CHPF: variants seen among roughly 807,000 people sequenced by gnomAD.
CHPF encodes the protein chondroitin polymerizing factor, non-catalytic subunit.
CHPF carries 34 observed loss-of-function variants against 55.1 expected under a neutral mutation model. The observed-to-expected ratio is 0.62, with a 90% CI of 0.47 to 0.82. The LOEUF is 0.82. Among genes scored for constraint, CHPF ranks in the 40% least tolerant of loss-of-function variants. The pLI is 0.00. For synonymous variants in CHPF, 489 were observed against 496.6 expected, an observed-to-expected ratio of 0.98 and a Z score of 0.20; for missense variants, 961 against 1,106.1, an observed-to-expected ratio of 0.87 and a Z score of 1.86.
intron 1 of CHPF, among the ~76,000 whole-genome samples, chr2:219,542,660 G>T (rs1046094341): frequency 4.6e-5 from 7 of 152,202 alleles, no homozygotes; most frequent in Admixed American, 2.0e-4. Flanking sequence ...GTTTTTGCGG[G>T]GAGGGGCAAA....
In CHPF at chr2:219,539,962, T is replaced by C. The variant is rs780803260; in HGVS notation, c.1749A>G (p.Pro583=). 6.2e-7 allele frequency: 1 copy of C among 1,613,784 alleles called. No homozygotes were observed. Among genetic ancestry groups the C allele is most frequent in the South Asian group, 1.1e-5 (1 of 91,088 alleles). ...LERRFPGARV[P]WLSVQTAAPS... is the part of the protein sequence containing the mutation. ...GTGCGGCTGTCTGCACACTGAGCCA[T>C]GGCACCCGGGCACCGGGGAAACGCC... is the stretch of plus-strand genomic sequence containing the variant. The change falls in exon 4 of 4, where the codon CCA becomes CCG. Residue 583 remains proline (P), a synonymous_variant. Transcript: ENST00000243776.
chr2:219,543,591 G>T lies in CHPF; in HGVS notation c.-53C>A, dbSNP rs966009154. 7.0e-6 allele frequency: 9 copies of T among 1,276,696 alleles called. No individual in the cohort carries two copies. Among genetic ancestry groups the T allele is most frequent in the Non-Finnish European group, 9.0e-6 (9 of 1,004,484 alleles). The allele number at this position is 1,276,696 out of a possible 1,614,324, so 79.1% of individuals were successfully genotyped here. A position where few individuals can be genotyped will look rare whatever the true frequency, so the allele number is the denominator to read the frequency against. ...CGGCGAACCCCCAGAGCAGCCAGAG[G>T]AGTCTCCGAGGGGGCGGGACCGGGG... On this transcript the variant is annotated 5_prime_UTR_variant, in exon 1 of 4. Transcript: ENST00000243776.
chr2:219,542,296 C>T lies in CHPF; in HGVS notation c.315-107G>A, dbSNP rs1695291214. 3 of 832,488 alleles carry T rather than the reference C, an allele frequency of 3.6e-6. No homozygotes were observed. In the Admixed American group the frequency reaches 9.3e-5, roughly 26 times the overall value. 51.6% of individuals were successfully genotyped at this position (832,488 alleles called of 1,614,324 possible). ...AGGTCACGTCTTCTCTGTATCTGTTCTCTCACCTATGAATAGGTTAAAAAT... is the reference window on the plus strand; with the variant it reads ...AGGTCACGTCTTCTCTGTATCTGTTTTCTCACCTATGAATAGGTTAAAAAT... On this transcript the variant is annotated intron_variant, in intron 1 of 3. Coordinates refer to ENST00000243776, the MANE Select transcript of CHPF (RefSeq NM_024536.6).
At position 219,541,094 on chromosome 2, in the gene CHPF, G is replaced by A. The variant is rs1406786710; in HGVS notation, c.920C>T (p.Pro307Leu). 1 of 1,611,514 alleles carries A rather than the reference G, an allele frequency of 6.2e-7. No homozygotes were observed. The highest frequency in any genetic ancestry group is 8.5e-7 in the Non-Finnish European group (1 of 1,178,990). ...GVHYSHLELS[P>L]GEPVQEGDPH... Reference sequence around the variant, plus strand: ...GTCCCCCTCCTGCACTGGCTCCCCAGGGCTCAGCTCCAGATGGCTATAGTG... The same window carrying A: ...GTCCCCCTCCTGCACTGGCTCCCCAAGGCTCAGCTCCAGATGGCTATAGTG... Residue 307 changes from proline (P) to leucine (L), a missense_variant, in exon 3 of 4, where the codon CCT becomes CTT. Physicochemically the swap from Pro to Leu is moderately conservative, Grantham distance 98 (BLOSUM62 -3). Transcript: ENST00000243776.
chr2:219,540,665 C>G (rs370622083), intron 3 of CHPF, 23 bp from the exon 4 acceptor site: 43 of 1,557,364 alleles, frequency 2.8e-5, no homozygotes, highest in Non-Finnish European at 3.6e-5. Context: ...AACAGGCCAT[C>G]AGCAAGGGAC....
intron 1 of CHPF, 53 bp downstream of exon 1, chr2:219,543,172 G>T: frequency 4.4e-6 from 6 of 1,377,092 alleles, no homozygotes; most frequent in Non-Finnish European, 4.7e-6. Flanking sequence ...CGACCTCCCC[G>T]CGCGCTTCCC....
At chr2:219,542,216 T>C in intron 1 of CHPF, 27 bp from the exon 2 acceptor site, 3 of 164,208 alleles carry the variant, frequency 1.8e-5, no homozygotes, top group Non-Finnish European at 3.1e-5. Context: ...CACAAGCTTA[T>C]CAAAAGGACA....
Position 219,540,076 on chromosome 2 carries a change from C to A in CHPF, c.1635G>T (p.Leu545=), listed in dbSNP as rs755717664. 2 of 1,608,556 alleles carry A rather than the reference C, an allele frequency of 1.2e-6. No homozygotes were observed. Among genetic ancestry groups the A allele is most frequent in the Non-Finnish European group, 8.5e-7 (1 of 1,178,020 alleles). Residue 545 remains leucine, a synonymous_variant, in exon 4 of 4, where the codon CTG becomes CTT. Transcript: ENST00000243776. ...EPGDAAAALT[L]LLLYEPRQAQ... ...CCTGGCGCGGCTCATACAGTAGCAG[C>A]AGGGTCAGGGCTGCCGCAGCATCAC...
In CHPF at chr2:219,539,284, C is replaced by T. The variant is rs1469139695; in HGVS notation, c.*99G>A. The stretch of plus-strand genomic sequence containing the variant: ...AGTGGGCCAGCTTGGGGTCTGGCTA[C>T]GGCCAGCCCTGCCCAGCGAGGCTGG... On this transcript the variant is annotated 3_prime_UTR_variant, in exon 4 of 4. Coordinates refer to ENST00000243776, the MANE Select transcript of CHPF (RefSeq NM_024536.6). 2.5e-5 allele frequency: 31 copies of T among 1,247,996 alleles called. No homozygotes were observed. Among genetic ancestry groups the T allele is most frequent in the South Asian group, 4.5e-5 (3 of 66,676 alleles). 77.3% of individuals were successfully genotyped at this position (1,247,996 alleles called of 1,614,324 possible).
chr2:219,542,861 C>G (rs978067109), intron 1 of CHPF: 1 of 1,054,366 alleles, frequency 9.5e-7, no homozygotes, highest in African/African-American at 1.7e-5. Flanking sequence ...AACAAGAGAT[C>G]CAGGTAAATC....
rs773878341 is a variant in CHPF at position 219,540,191 on chromosome 2, C to T, written c.1520G>A (p.Arg507His). 3.4e-5 allele frequency: 55 copies of T among 1,611,590 alleles called. No individual in the cohort carries two copies. The highest frequency in any genetic ancestry group is 4.2e-5 in the Non-Finnish European group (49 of 1,179,020). The part of the protein sequence containing the change: ...LPVPYVTEAS[R>H]LTVLLPLAAA... Reference sequence around the variant, plus strand: ...AGCTAGAGGCAGCAGCACAGTGAGACGTGAGGCCTCAGTGACATAGGGCAC... The same window carrying T: ...AGCTAGAGGCAGCAGCACAGTGAGATGTGAGGCCTCAGTGACATAGGGCAC... The change falls in exon 4 of 4, where the codon CGT becomes CAT. Residue 507 changes from arginine to histidine, a missense_variant. This residue lies in a region of CHPF where 936 missense variants were observed against 1,058.4 expected (regional missense o/e 0.88). Transcript: ENST00000243776.
chr2:219,540,724 G>A (rs1192940717), intron 3 of CHPF, 82 bp from the exon 4 acceptor site: 3 of 1,415,654 alleles, frequency 2.1e-6, no homozygotes, highest in Non-Finnish European at 1.9e-6. Context: ...GGCAGTAGGT[G>A]CCACTCAGGA....
intron 1 of CHPF, 140 bp from the exon 2 acceptor site, chr2:219,542,329 C>G (rs1013262870): frequency 4.5e-6 from 3 of 668,540 alleles, no homozygotes; most frequent in Non-Finnish European, 7.2e-6. Context: ...AATAAACCCT[C>G]TCTCCCAGGG....
At position 219,543,539 on chromosome 2, in the gene CHPF, G is replaced by A; in HGVS notation, c.-1C>T. The A allele has an allele frequency of 7.5e-7, 1 of 1,333,684 alleles. No homozygotes were observed. The highest frequency in any genetic ancestry group is 9.6e-7 in the Non-Finnish European group (1 of 1,046,880). The allele number at this position is 1,333,684 out of a possible 1,614,324, so 82.6% of individuals were successfully genotyped here. A position where few individuals can be genotyped will look rare whatever the true frequency, so the allele number is the denominator to read the frequency against. On this transcript the variant is annotated 5_prime_UTR_variant, in exon 1 of 4. Coordinates refer to ENST00000243776, the MANE Select transcript of CHPF (RefSeq NM_024536.6). ...CCGACAGCAGCAGCGATGCCCGCATGGCGCCCGGACCGCGGGTCCCCGGCC... is the reference window on the plus strand; with the variant it reads ...CCGACAGCAGCAGCGATGCCCGCATAGCGCCCGGACCGCGGGTCCCCGGCC...
chr2:219,542,408 C>T (rs1247622230), intron 1 of CHPF, among the ~76,000 whole-genome samples: 5 of 152,176 alleles, frequency 3.3e-5, no homozygotes, highest in African/African-American at 9.7e-5. Flanking sequence ...GCAATACCCA[C>T]CCAGATAGGA....
chr2:219,539,980 G>A lies in CHPF; in HGVS notation c.1731C>T (p.Phe577=), dbSNP rs1288282761. The A allele has an allele frequency of 1.9e-6, 3 of 1,613,742 alleles. No homozygotes were observed. Among genetic ancestry groups the A allele is most frequent in the Admixed American group, 3.3e-5 (2 of 60,030 alleles). ...TGAGCCATGGCACCCGGGCACCGGG[G>A]AAACGCCGCTCCAGCTCTGCCACGT... ...KAHVAELERR[F]PGARVPWLSV... Residue 577 remains phenylalanine, a synonymous_variant, in exon 4 of 4, where the codon TTC becomes TTT. Transcript: ENST00000243776.
In CHPF at chr2:219,543,398, G is replaced by A. The variant is rs780072633; in HGVS notation, c.141C>T (p.Asp47=). 1 of 1,559,168 alleles carries A rather than the reference G, an allele frequency of 6.4e-7. No homozygotes were observed. Among genetic ancestry groups the A allele is most frequent in the Non-Finnish European group, 8.6e-7 (1 of 1,162,664 alleles). ...PCGPGPPQPG[D]SELPPRGNTN... ...TGTTGCCGCGCGGCGGCAGCTCAGAGTCTCCAGGTTGGGGCGGGCCTGGGC... is the reference window on the plus strand; with the variant it reads ...TGTTGCCGCGCGGCGGCAGCTCAGAATCTCCAGGTTGGGGCGGGCCTGGGC... The change falls in exon 1 of 4, where the codon GAC becomes GAT. Residue 47 remains aspartate (D), a synonymous_variant. Transcript: ENST00000243776.
In CHPF at chr2:219,541,820, C is replaced by A; in HGVS notation, c.684G>T (p.Arg228=). The A allele has an allele frequency of 4.4e-6, 7 of 1,607,554 alleles. No individual in the cohort carries two copies. The highest frequency in any genetic ancestry group is 5.9e-6 in the Non-Finnish European group (7 of 1,176,818). Residue 228 remains arginine, a synonymous_variant, in exon 2 of 4, where the codon CGG becomes CGT. Transcript: ENST00000243776. ...LASAAHLYLG[R]PQDFIGGEPT... is the part of the protein sequence containing the mutation. Reference sequence around the variant, plus strand: ...GCTCTCCGCCGATGAAGTCCTGGGGCCGGCCCAGGTACAGGTGGGCGGCGG... The same window carrying A: ...GCTCTCCGCCGATGAAGTCCTGGGGACGGCCCAGGTACAGGTGGGCGGCGG...
At position 219,539,383 on chromosome 2, in the gene CHPF, T is replaced by C; in HGVS notation, c.2328A>G (p.Ter776TrpextTer34). ...CACGGCCCACGGGGACAGGGTGGGG[T>C]CAGGTGCTGTTGCCCTGCTCCTGTT... Reference protein sequence around the residue: ...LFEQEQGNST* With the variant: ...LFEQEQGNSTW The change falls in exon 4 of 4, where the codon TGA (stop) becomes TGG (tryptophan). Residue 776 changes from the stop codon to tryptophan (W), a stop_lost. Coordinates refer to ENST00000243776, the MANE Select transcript of CHPF (RefSeq NM_024536.6). 1.3e-6 allele frequency: 2 copies of C among 1,592,204 alleles called. No homozygotes were observed. The highest frequency in any genetic ancestry group is 1.7e-6 in the Non-Finnish European group (2 of 1,165,144).
Sources: allele counts gnomAD v4.1 joint callset (sites outside exome capture counted in the v4.1 genomes callset), GRCh38; gene constraint gnomAD v4.1.1; regional missense constraint gnomAD v4.1.1; transcripts MANE v1.5; gene names NCBI Gene and HGNC (gene_info 2026-07-23, HGNC 2026-07-21).